Variants in LYPD6 observed in about 807,000 individuals in gnomAD.
LYPD6 encodes the protein LY6/PLAUR domain containing 6, also known as ly6/PLAUR domain-containing protein 6.
LYPD6 carries 15 observed loss-of-function variants against 22.7 expected under a neutral mutation model. The observed-to-expected ratio is 0.66, with a 90% confidence interval of 0.44 to 1.02. The LOEUF is 1.02. Ranked by LOEUF, LYPD6 falls within the 50% of genes least tolerant of loss-of-function variation. LYPD6 has a pLI of 0.00. For synonymous variants in LYPD6, 72 were observed against 77.5 expected, an observed-to-expected ratio of 0.93 and a Z score of 0.37; for missense variants, 189 against 208.4, an observed-to-expected ratio of 0.91 and a Z score of 0.57.
intron 1 of LYPD6, among the ~76,000 whole-genome samples, chr2:149,366,363 G>A (rs945803691): frequency 2.6e-5 from 4 of 152,154 alleles, no homozygotes; most frequent in African/African-American, 7.2e-5. Flanking sequence ...TGGTAGATAA[G>A]GGCCATTCCA....
At position 149,391,822 on chromosome 2, in the gene LYPD6, A is replaced by G. The variant is rs114594481; in HGVS notation, c.-71-45816A>G. Reference sequence around the variant, plus strand: ...AGGAAATGTGGCTATGTGCATCCCTATTGGTGGGGAAATAGAAACTAATTG... The same window carrying G: ...AGGAAATGTGGCTATGTGCATCCCTGTTGGTGGGGAAATAGAAACTAATTG... On this transcript the variant is annotated intron_variant, in intron 1 of 4. Coordinates refer to ENST00000334166, the MANE Select transcript of LYPD6 (RefSeq NM_194317.5). Among the ~76,000 whole-genome samples, 414 of 152,290 alleles carry G rather than the reference A, an allele frequency of 2.7e-3. 2 individuals carry two copies. Among genetic ancestry groups the G allele is most frequent in the African/African-American group, 8.5e-3 (352 of 41,550 alleles).
intron 1 of LYPD6, among the ~76,000 whole-genome samples, chr2:149,354,270 C>T (rs529240850): frequency 1.2e-4 from 19 of 152,218 alleles, no homozygotes; most frequent in East Asian, 3.9e-4. Context: ...TGCAGTGTCA[C>T]GATCTCAGCT....
At chr2:149,408,062 G>A (rs1682763946) in intron 1 of LYPD6, among the ~76,000 whole-genome samples, 1 of 152,124 alleles carries the variant, frequency 6.6e-6, no homozygotes, top group Non-Finnish European at 1.5e-5. Context: ...TTCGTGATCT[G>A]CGAATGCTGC....
At chr2:149,445,300 A>T (rs1228220399) in intron 2 of LYPD6, among the ~76,000 whole-genome samples, 1 of 152,216 alleles carries the variant, frequency 6.6e-6, no homozygotes, top group Non-Finnish European at 1.5e-5. Flanking sequence ...CATAATTTTT[A>T]AAGTCTCAAG....
intron 1 of LYPD6, among the ~76,000 whole-genome samples, chr2:149,355,044 A>G (rs528221233): frequency 2.0e-5 from 3 of 152,348 alleles, no homozygotes; most frequent in Admixed American, 1.3e-4. Flanking sequence ...TTATTTAATT[A>G]AAAGTTGTTT....
At chr2:149,468,182 C>T (rs867023732) in intron 3 of LYPD6, among the ~76,000 whole-genome samples, 25 of 147,276 alleles carry the variant, frequency 1.7e-4, no homozygotes, top group African/African-American at 4.8e-4. Flanking sequence ...CACACACACA[C>T]ACACACCAGC....
intron 1 of LYPD6, among the ~76,000 whole-genome samples, chr2:149,351,943 C>T (rs1681366448): frequency 6.6e-6 from 1 of 152,148 alleles, no homozygotes; most frequent in Non-Finnish European, 1.5e-5. Context: ...CACAGTCTTA[C>T]TGCTGCTGTG....
chr2:149,453,004 T>G (rs1447844210), intron 3 of LYPD6, among the ~76,000 whole-genome samples: 2 of 152,210 alleles, frequency 1.3e-5, no homozygotes, highest in Non-Finnish European at 2.9e-5. Flanking sequence ...AGTACTATAC[T>G]CCCTTCCTAG....
chr2:149,354,805 AT>A (rs1681421917), intron 1 of LYPD6, among the ~76,000 whole-genome samples: 1 of 152,166 alleles, frequency 6.6e-6, no homozygotes, highest in Non-Finnish European at 1.5e-5. Context: ...GACCTGCAAA[AT>A]TTGAAGAAGC....
intron 1 of LYPD6, among the ~76,000 whole-genome samples, chr2:149,409,353 T>C (rs1338512825): frequency 6.6e-6 from 1 of 152,096 alleles, no homozygotes; most frequent in Non-Finnish European, 1.5e-5. Context: ...TGTGTTTTTG[T>C]TTAGAGCACT....
At chr2:149,374,040 A>T (rs1044974846) in intron 1 of LYPD6, among the ~76,000 whole-genome samples, 7 of 152,120 alleles carry the variant, frequency 4.6e-5, no homozygotes, top group African/African-American at 1.7e-4. Context: ...ATATTGCTTT[A>T]AAGGGCAAAG....
intron 3 of LYPD6, among the ~76,000 whole-genome samples, chr2:149,449,646 G>A (rs1426567510): frequency 6.6e-6 from 1 of 152,130 alleles, no homozygotes; most frequent in East Asian, 1.9e-4. Context: ...AGGATGAGAT[G>A]AACACTGAAC....
intron 3 of LYPD6, among the ~76,000 whole-genome samples, chr2:149,457,293 T>C (rs1465920155): frequency 6.6e-6 from 1 of 152,218 alleles, no homozygotes; most frequent in African/African-American, 2.4e-5. Context: ...GTCGTAGAAC[T>C]AAATTAAAAT....
chr2:149,387,984 G>A (rs1238035131), intron 1 of LYPD6, among the ~76,000 whole-genome samples: 1 of 152,082 alleles, frequency 6.6e-6, no homozygotes, highest in Non-Finnish European at 1.5e-5. Context: ...TTGCAGTTGG[G>A]ACTTACATGT....
At position 149,449,043 on chromosome 2, in the gene LYPD6, T is replaced by G; in HGVS notation, c.119-6T>G. On this transcript the variant is annotated splice_region_variant and splice_polypyrimidine_tract_variant and intron_variant, in intron 2 of 4. Coordinates refer to ENST00000334166, the MANE Select transcript of LYPD6 (RefSeq NM_194317.5). The stretch of plus-strand genomic sequence containing the variant: ...ATTAATCTTTTCTCTTAATCCTTTT[T>G]TTTAGCCACACCATATCCTGGTGGA... The G allele has an allele frequency of 6.2e-7, 1 of 1,606,154 alleles. No individual in the cohort carries two copies. Among genetic ancestry groups the G allele is most frequent in the Non-Finnish European group, 8.5e-7 (1 of 1,174,500 alleles).
At chr2:149,427,688 C>T (rs1239370319) in intron 1 of LYPD6, among the ~76,000 whole-genome samples, 2 of 152,160 alleles carry the variant, frequency 1.3e-5, no homozygotes. Flanking sequence ...AACAGTAATC[C>T]CATACGATTA....
At chr2:149,411,273 A>G (rs1052299625) in intron 1 of LYPD6, among the ~76,000 whole-genome samples, 5 of 152,166 alleles carry the variant, frequency 3.3e-5, no homozygotes, top group Non-Finnish European at 5.9e-5. Flanking sequence ...ATAACATCTC[A>G]GAATTCATCA....
chr2:149,480,211 T>C, the LYPD6 span, among the ~76,000 whole-genome samples: 1 of 152,076 alleles, frequency 6.6e-6, no homozygotes, highest in Admixed American at 6.5e-5. Flanking sequence ...GGTTTCACCA[T>C]GTTAGTCAGG....
intron 1 of LYPD6, among the ~76,000 whole-genome samples, chr2:149,427,685 A>T (rs964261745): frequency 6.6e-6 from 1 of 152,226 alleles, no homozygotes. Flanking sequence ...TCCAACAGTA[A>T]TCCCATACGA....
Sources: gnomAD v4.1 joint callset for allele counts (sites outside exome capture counted in the v4.1 genomes callset) on GRCh38, gnomAD v4.1.1 for gene constraint, MANE v1.5 for transcripts, NCBI Gene and HGNC (gene_info 2026-07-23, HGNC 2026-07-21) for gene names.